The following GRIK2 variants were observed in gnomAD, a reference collection of about 807,000 sequenced individuals.
The protein encoded by GRIK2 is glutamate receptor ionotropic, kainate 2.
In GRIK2, 32 loss-of-function variants were observed where a neutral mutation model predicts 100.3. That is an observed-to-expected ratio of 0.32 (90% confidence interval 0.24 to 0.43). The LOEUF (loss-of-function observed/expected upper bound fraction) is 0.43, where lower values mean the gene tolerates loss of function less well. GRIK2 is among the 20% of genes least tolerant of loss of function. GRIK2 has a pLI of 1.00. For missense variants in GRIK2, 843 were observed against 1,114.9 expected, an observed-to-expected ratio of 0.76 and a Z score of 3.47; for synonymous variants, 417 against 389.4, an observed-to-expected ratio of 1.07 and a Z score of -0.83.
At chr6:101,707,785 CA>C (rs1022876384) in intron 7 of GRIK2, among the ~76,000 whole-genome samples, 54 of 150,936 alleles carry the variant, frequency 3.6e-4, no homozygotes, top group Non-Finnish European at 7.1e-4. Flanking sequence ...TGATTCTCAC[CA>C]AAAAAATCAG....
chr6:101,938,340 C>A (rs181293020), intron 14 of GRIK2, among the ~76,000 whole-genome samples: 2 of 152,174 alleles, frequency 1.3e-5, no homozygotes, highest in African/African-American at 4.8e-5. Context: ...TATAAATCAT[C>A]TCTGTTTATT....
chr6:101,885,693 A>G (rs1786562587), intron 11 of GRIK2, among the ~76,000 whole-genome samples: 1 of 152,172 alleles, frequency 6.6e-6, no homozygotes, highest in South Asian at 2.1e-4. Flanking sequence ...GTTTTAACAC[A>G]ATATATCTAC....
chr6:101,492,018 A>G (rs1773148988), intron 2 of GRIK2, among the ~76,000 whole-genome samples: 2 of 151,892 alleles, frequency 1.3e-5, no homozygotes, highest in Admixed American at 1.3e-4. Flanking sequence ...AGGTACAAGA[A>G]GTTAGGATGT....
chr6:101,793,640 G>A (rs1158805512), intron 7 of GRIK2, among the ~76,000 whole-genome samples: 2 of 152,306 alleles, frequency 1.3e-5, no homozygotes, highest in East Asian at 3.9e-4. Context: ...TCCCAGTTAG[G>A]CTGCTCGGGG....
intron 14 of GRIK2, among the ~76,000 whole-genome samples, chr6:102,005,104 T>C (rs1795142061): frequency 6.7e-6 from 1 of 150,086 alleles, no homozygotes; most frequent in African/African-American, 2.5e-5. Flanking sequence ...ATGTTTGTAC[T>C]GACTAGAATA....
chr6:101,608,958 C>A (rs1779559215), intron 2 of GRIK2, among the ~76,000 whole-genome samples: 1 of 151,680 alleles, frequency 6.6e-6, no homozygotes. Flanking sequence ...TGGTCAGTGA[C>A]CTGCTTTGTT....
chr6:101,468,046 C>T (rs1487138083), intron 2 of GRIK2, among the ~76,000 whole-genome samples: 2 of 152,020 alleles, frequency 1.3e-5, no homozygotes, highest in Non-Finnish European at 2.9e-5. Flanking sequence ...AAGGAGATCC[C>T]AGAAAGTAGG....
At chr6:101,716,695 C>T (rs1341628624) in intron 7 of GRIK2, among the ~76,000 whole-genome samples, 3 of 151,508 alleles carry the variant, frequency 2.0e-5, no homozygotes, top group Non-Finnish European at 4.4e-5. Context: ...CACATGTATA[C>T]ATATGTAACA....
rs561436722 is a variant in GRIK2 at position 101,633,895 on chromosome 6, TGATA to T, written c.541+7262_541+7265del. On this transcript the variant is annotated intron_variant, in intron 4 of 16. Coordinates refer to ENST00000369134, the MANE Select transcript of GRIK2 (RefSeq NM_021956.5). ...CAAGGTTACATACATAGCACATAAG[TGATA>T]GATCTGGGTTTTGAAACTAGGCAGT... is the stretch of plus-strand genomic sequence containing the variant. Among the ~76,000 whole-genome samples the T allele has an allele frequency of 6.8e-3, 1,036 of 152,248 alleles. 10 individuals carry two copies. Among genetic ancestry groups the T allele is most frequent in the African/African-American group, 0.023 (956 of 41,546 alleles).
intron 2 of GRIK2, among the ~76,000 whole-genome samples, chr6:101,531,593 C>A (rs1189563520): frequency 6.6e-6 from 1 of 151,676 alleles, no homozygotes; most frequent in African/African-American, 2.4e-5. Flanking sequence ...AACCTATTAC[C>A]AGAGACTTCC....
At chr6:101,469,336 C>G (rs554619540) in intron 2 of GRIK2, among the ~76,000 whole-genome samples, 1 of 152,256 alleles carries the variant, frequency 6.6e-6, no homozygotes, top group Admixed American at 6.5e-5. Context: ...CTTTCCCACA[C>G]TCCTTAATAC....
At chr6:101,474,662 C>A (rs1772134086) in intron 2 of GRIK2, among the ~76,000 whole-genome samples, 1 of 151,724 alleles carries the variant, frequency 6.6e-6, no homozygotes, top group African/African-American at 2.4e-5. Flanking sequence ...TCATACTAAG[C>A]TTATCACTGT....
chr6:101,909,378 T>TGTTTTTG (rs1554284520), intron 12 of GRIK2, among the ~76,000 whole-genome samples: 1 of 120,352 alleles, frequency 8.3e-6, no homozygotes, highest in Admixed American at 8.7e-5. Flanking sequence ...AGGGTTTTCT[T>TGTTTTTG]TTTCTTTTTT....
intron 2 of GRIK2, among the ~76,000 whole-genome samples, chr6:101,423,757 C>G (rs1337688126): frequency 8.9e-6 from 1 of 112,362 alleles, no homozygotes; most frequent in East Asian, 2.6e-4. Flanking sequence ...AGCATTTATT[C>G]AAAACTTTTG....
chr6:101,824,811 C>T (rs1039174210), intron 10 of GRIK2, among the ~76,000 whole-genome samples: 2 of 152,130 alleles, frequency 1.3e-5, no homozygotes, highest in Admixed American at 6.6e-5. Flanking sequence ...ACTTTACTTG[C>T]TTAAGCTTGT....
At chr6:101,408,358 A>G (rs1005942856) in intron 2 of GRIK2, among the ~76,000 whole-genome samples, 1 of 150,590 alleles carries the variant, frequency 6.6e-6, no homozygotes, top group Admixed American at 6.6e-5. Context: ...ACATACACAC[A>G]TGCAGCAGGG....
intron 2 of GRIK2, among the ~76,000 whole-genome samples, chr6:101,419,338 A>C (rs1776303487): frequency 6.6e-6 from 1 of 152,124 alleles, no homozygotes. Flanking sequence ...TTCAATAATT[A>C]AGAGCTCATT....
chr6:101,857,700 C>T (rs1784500138), intron 10 of GRIK2, among the ~76,000 whole-genome samples: 1 of 152,182 alleles, frequency 6.6e-6, no homozygotes, highest in Non-Finnish European at 1.5e-5. Flanking sequence ...AATTGTTGCA[C>T]CTTGGTTTAT....
At chr6:101,963,493 T>TTTTA (rs1792447286) in intron 14 of GRIK2, among the ~76,000 whole-genome samples, 1 of 128,336 alleles carries the variant, frequency 7.8e-6, no homozygotes, top group Non-Finnish European at 1.6e-5. Flanking sequence ...TTTTTTCTCT[T>TTTTA]TTTCTTTCTT....
Sources: allele counts gnomAD v4.1 joint callset (sites outside exome capture counted in the v4.1 genomes callset), GRCh38; gene constraint gnomAD v4.1.1; transcripts MANE v1.5; gene names NCBI Gene and HGNC (gene_info 2026-07-23, HGNC 2026-07-21).